The following TC2N variants were observed in gnomAD, a reference collection of about 807,000 sequenced individuals.
TC2N encodes tandem C2 domains nuclear protein.
In TC2N, 51 loss-of-function variants were observed where a neutral mutation model predicts 61.9. The observed-to-expected ratio is 0.82, with a 90% CI of 0.66 to 1.04. The LOEUF is 1.04. Ranked by LOEUF, TC2N falls within the 50% of genes least tolerant of loss-of-function variation. TC2N has a pLI of 0.00. For missense variants in TC2N, 556 were observed against 566.7 expected, an observed-to-expected ratio of 0.98 and a Z score of 0.19; for synonymous variants, 204 against 192.6, an observed-to-expected ratio of 1.06 and a Z score of -0.49.
chr14:91,794,282 T>C (rs1595226560), intron 8 of TC2N, among the ~76,000 whole-genome samples: 1 of 152,206 alleles, frequency 6.6e-6, no homozygotes, highest in East Asian at 1.9e-4. Flanking sequence ...ATGTAGAAGT[T>C]GCAGCAAGTT....
At chr14:91,848,424 C>T (rs953561656) in intron 1 of TC2N, among the ~76,000 whole-genome samples, 1 of 152,158 alleles carries the variant, frequency 6.6e-6, no homozygotes, top group African/African-American at 2.4e-5. Context: ...TGCAGACCTT[C>T]CCTTTATCCC....
chr14:91,848,164 C>A (rs984174136), intron 1 of TC2N, among the ~76,000 whole-genome samples: 1 of 152,192 alleles, frequency 6.6e-6, no homozygotes, highest in Non-Finnish European at 1.5e-5. Context: ...ACTAATCAGG[C>A]CTATCCCTTA....
chr14:91,808,642 C>T (rs1886628643), intron 3 of TC2N, among the ~76,000 whole-genome samples: 1 of 152,142 alleles, frequency 6.6e-6, no homozygotes, highest in Non-Finnish European at 1.5e-5. Flanking sequence ...TTTACCACTT[C>T]TTCAGTGAAC....
intron 1 of TC2N, among the ~76,000 whole-genome samples, chr14:91,853,056 G>C (rs1888406487): frequency 6.6e-6 from 1 of 152,176 alleles, no homozygotes; most frequent in South Asian, 2.1e-4. Context: ...GGGCGACAGA[G>C]AGAGACTCCA....
intron 1 of TC2N, among the ~76,000 whole-genome samples, chr14:91,864,991 G>A (rs913073792): frequency 2.6e-5 from 4 of 151,784 alleles, no homozygotes; most frequent in African/African-American, 7.3e-5. Context: ...TGTCGACCAG[G>A]CTGGTCTTGA....
In TC2N at chr14:91,794,961, GA is replaced by G. The variant is rs571836857; in HGVS notation, c.856-2404del. On this transcript the variant is annotated intron_variant, in intron 8 of 11. Transcript: ENST00000435962. Reference sequence around the variant, plus strand: ...GCCATTAAGAAAATTCATGATGCATGAAAGGTCAAAAAAAGGACATTAGCAG... The same window carrying G: ...GCCATTAAGAAAATTCATGATGCATGAAGGTCAAAAAAAGGACATTAGCAG... 1.5e-4 allele frequency among the ~76,000 whole-genome samples: 23 copies of G among 152,186 alleles called. No individual in the cohort carries two copies. In the East Asian group the frequency reaches 4.0e-3, roughly 27 times the overall value.
At chr14:91,807,536 C>T (rs1325386247) in intron 3 of TC2N, among the ~76,000 whole-genome samples, 2 of 152,234 alleles carry the variant, frequency 1.3e-5, no homozygotes, top group African/African-American at 4.8e-5. Flanking sequence ...TTTGACTGCC[C>T]TGCTGGATTG....
intron 1 of TC2N, chr14:91,866,131 T>C (rs1888697360): frequency 6.6e-6 from 1 of 151,302 alleles, no homozygotes; most frequent in South Asian, 2.1e-4. Context: ...TAGAGGAGAG[T>C]TCCTTTGTCA....
chr14:91,851,181 C>T (rs1888367775), intron 1 of TC2N, among the ~76,000 whole-genome samples: 1 of 152,200 alleles, frequency 6.6e-6, no homozygotes, highest in Non-Finnish European at 1.5e-5. Context: ...AAATTGTCTT[C>T]CACGAAACTG....
intron 9 of TC2N, among the ~76,000 whole-genome samples, chr14:91,791,234 A>AG: frequency 6.7e-6 from 1 of 149,396 alleles, no homozygotes; most frequent in Non-Finnish European, 1.5e-5. Context: ...AGGGAAGGGA[A>AG]GGGTAGATAC....
chr14:91,802,502 G>T (rs1886308523), intron 3 of TC2N, 81 bp from the exon 4 acceptor site: 2 of 1,317,366 alleles, frequency 1.5e-6, no homozygotes, highest in Non-Finnish European at 2.1e-6. Flanking sequence ...CAGGGTAAAA[G>T]AAAAAATATT....
intron 3 of TC2N, among the ~76,000 whole-genome samples, chr14:91,805,548 C>T (rs1886470387): frequency 1.3e-5 from 2 of 152,028 alleles, no homozygotes; most frequent in Non-Finnish European, 2.9e-5. Context: ...GCCTGTAGTC[C>T]CAGCTACTTG....
intron 1 of TC2N, among the ~76,000 whole-genome samples, chr14:91,849,606 C>T (rs982789314): frequency 5.9e-5 from 9 of 152,206 alleles, no homozygotes; most frequent in Admixed American, 5.2e-4. Flanking sequence ...CACTTAAACA[C>T]AAGAGATTTA....
rs8022359 is a variant in TC2N, at chr14:91,837,533, A to G, written c.-56-23708T>C. ...ATTACAAGCATTGAGCCACGGTGCC[A>G]GCCTGGGTGGTGGGACTGTAAAATT... On this transcript the variant is annotated intron_variant, in intron 1 of 11. Transcript: ENST00000435962. This position sits in a 1 kb window ranked among gnomAD's most constrained non-coding sequence, Gnocchi z 4.2. 0.55 allele frequency among the ~76,000 whole-genome samples: 84,109 copies of G among 152,010 alleles called. 23,469 individuals are homozygous for G. The highest frequency in any genetic ancestry group is 0.59 in the Admixed American group (9,029 of 15,278).
At chr14:91,825,223 G>A (rs1042532018) in intron 1 of TC2N, among the ~76,000 whole-genome samples, 5 of 151,450 alleles carry the variant, frequency 3.3e-5, no homozygotes, top group Middle Eastern at 3.4e-3. Context: ...TAGTAGAGAC[G>A]GGGTTTCACC....
rs1010039179 is a variant in TC2N, at chr14:91,780,626, C to T, written c.*2474G>A. 5 of 152,194 alleles carry T rather than the reference C, an allele frequency of 3.3e-5. No individual in the cohort carries two copies. Among genetic ancestry groups the T allele is most frequent in the African/African-American group, 1.2e-4 (5 of 41,446 alleles). 9.4% of individuals were successfully genotyped at this position (152,194 alleles called of 1,614,324 possible). On this transcript the variant is annotated 3_prime_UTR_variant, in exon 12 of 12. Coordinates refer to ENST00000435962, the MANE Select transcript of TC2N (RefSeq NM_001128596.3). ...CACTGTAAAAGCTATCAGCTATCAGCGTGAACCCTTCCATGGTTTCCTTTG... is the reference window on the plus strand; with the variant it reads ...CACTGTAAAAGCTATCAGCTATCAGTGTGAACCCTTCCATGGTTTCCTTTG...
At chr14:91,814,153 TGA>T (rs145840886) in intron 1 of TC2N, among the ~76,000 whole-genome samples, 23 of 145,940 alleles carry the variant, frequency 1.6e-4, no homozygotes, top group Middle Eastern at 3.5e-3. Context: ...GGTGTGTTTA[TGA>T]GAGAGAGAGA....
At chr14:91,844,053 G>GA (rs33944224) in intron 1 of TC2N, among the ~76,000 whole-genome samples, 73,394 of 150,728 alleles carry the variant, frequency 0.49, 18,435 homozygotes, top group Admixed American at 0.55. Flanking sequence ...CAGAAGAAAG[G>GA]AAAAAAAAAT....
At chr14:91,799,313 A>G (rs1238229633) in intron 5 of TC2N, among the ~76,000 whole-genome samples, 1 of 152,048 alleles carries the variant, frequency 6.6e-6, no homozygotes, top group Non-Finnish European at 1.5e-5. Context: ...TGGTTTTGTA[A>G]TAAGGAGAAA....
Sources: allele counts gnomAD v4.1 joint callset (sites outside exome capture counted in the v4.1 genomes callset), GRCh38; gene constraint gnomAD v4.1.1; non-coding constraint Gnocchi (gnomAD v3.1); transcripts MANE v1.5; gene names NCBI Gene and HGNC (gene_info 2026-07-23, HGNC 2026-07-21).